CDK13: variants seen among roughly 807,000 people sequenced by gnomAD.
CDK13 encodes cyclin-dependent kinase 13.
Under a neutral mutation model 137.6 loss-of-function variants are expected in CDK13, and 40 were observed. That is an observed-to-expected ratio of 0.29 (90% CI 0.23 to 0.38). The LOEUF (loss-of-function observed/expected upper bound fraction) is 0.38, where lower values mean the gene tolerates loss of function less well. Ranked by LOEUF, CDK13 falls within the 10% of genes least tolerant of loss-of-function variation. The probability of loss-of-function intolerance (pLI) is 1.00; values close to 1 mark genes in which losing one functional copy is unlikely to be tolerated. For synonymous variants in CDK13, 869 were observed against 760.1 expected (o/e 1.14, Z -2.36); for missense variants, 1,704 against 1,951.8 (o/e 0.87, Z 2.39).
intron 5 of CDK13, among the ~76,000 whole-genome samples, chr7:40,025,339 A>T (rs1407472838): frequency 2.0e-5 from 3 of 152,188 alleles, no homozygotes; most frequent in Non-Finnish European, 4.4e-5. Context: ...TAATCAATAA[A>T]CTTCTGTTGT....
At position 39,951,715 on chromosome 7, in the gene CDK13, C is replaced by G. The variant is rs967451735; in HGVS notation, c.1074C>G (p.Ser358=). The G allele has an allele frequency of 5.4e-6, 8 of 1,479,272 alleles. No individual in the cohort carries two copies. In the African/African-American group the frequency reaches 5.8e-5, roughly 11 times the overall value. The allele number at this position is 1,479,272 out of a possible 1,614,324, so 91.6% of individuals were successfully genotyped here. The stretch of plus-strand genomic sequence containing the variant: ...CCTATTCTCGGCGGCTGCCGCGCTC[C>G]CCGAGCCCCTACAGTCGCCGCCGCT... ...SSPYSRRLPR[S]PSPYSRRRSP... Residue 358 remains serine (S), a synonymous_variant, in exon 1 of 14, where the codon TCC becomes TCG. Coordinates refer to ENST00000181839, the MANE Select transcript of CDK13 (RefSeq NM_003718.5).
chr7:39,961,322 G>A (rs562965919), intron 1 of CDK13, among the ~76,000 whole-genome samples: 1 of 152,208 alleles, frequency 6.6e-6, no homozygotes, highest in African/African-American at 2.4e-5. Context: ...ATCTCGCCAC[G>A]ACACTCCAGC....
chr7:39,990,822 C>T (rs1784440230), intron 2 of CDK13, among the ~76,000 whole-genome samples: 1 of 152,068 alleles, frequency 6.6e-6, no homozygotes, highest in Non-Finnish European at 1.5e-5. Flanking sequence ...ATTTTGCAAG[C>T]TGTAAAGTGT....
At chr7:40,018,219 T>A (rs1785042291) in intron 5 of CDK13, among the ~76,000 whole-genome samples, 1 of 152,134 alleles carries the variant, frequency 6.6e-6, no homozygotes, top group Non-Finnish European at 1.5e-5. Flanking sequence ...GTGGGATCAT[T>A]GACAAGCATA....
At chr7:39,955,434 T>G (rs1211493155) in intron 1 of CDK13, among the ~76,000 whole-genome samples, 2 of 152,144 alleles carry the variant, frequency 1.3e-5, no homozygotes, top group Admixed American at 1.3e-4. Context: ...TTGGTTACAA[T>G]ATGAAGAATT....
intron 1 of CDK13, among the ~76,000 whole-genome samples, chr7:39,961,960 A>G (rs1783752052): frequency 6.6e-6 from 1 of 152,242 alleles, no homozygotes. Flanking sequence ...TACAAAGGAC[A>G]TGAACTCATC....
At chr7:39,990,695 A>G (rs1319502520) in intron 2 of CDK13, among the ~76,000 whole-genome samples, 1 of 152,206 alleles carries the variant, frequency 6.6e-6, no homozygotes, top group Non-Finnish European at 1.5e-5. Context: ...TGTACCTCTT[A>G]CTACTCTCAT....
intron 5 of CDK13, among the ~76,000 whole-genome samples, chr7:40,013,574 G>A (rs1399519516): frequency 6.6e-6 from 1 of 152,162 alleles, no homozygotes; most frequent in Non-Finnish European, 1.5e-5. Flanking sequence ...AATATTATCA[G>A]AATATAGATT....
At chr7:40,019,568 C>G (rs1162622597) in intron 5 of CDK13, among the ~76,000 whole-genome samples, 1 of 151,994 alleles carries the variant, frequency 6.6e-6, no homozygotes, top group Non-Finnish European at 1.5e-5. Flanking sequence ...TGGATGAAGC[C>G]CACCCACATT....
intron 7 of CDK13, among the ~76,000 whole-genome samples, chr7:40,052,636 C>G (rs1449127606): frequency 6.6e-6 from 1 of 152,164 alleles, no homozygotes; most frequent in Non-Finnish European, 1.5e-5. Context: ...ACCACCCTCC[C>G]AAAACGCACA....
chr7:40,051,877 G>A (rs1785896723), intron 7 of CDK13, among the ~76,000 whole-genome samples: 1 of 152,166 alleles, frequency 6.6e-6, no homozygotes, highest in Non-Finnish European at 1.5e-5. Context: ...TGAACATTGG[G>A]ATTTATACTT....
intron 7 of CDK13, among the ~76,000 whole-genome samples, chr7:40,052,064 A>G (rs980916747): frequency 1.3e-5 from 2 of 152,212 alleles, no homozygotes; most frequent in Non-Finnish European, 2.9e-5. Flanking sequence ...GGTTTTCAAA[A>G]GGATGGAGTA....
chr7:40,064,771 CTT>C (rs1218084322), intron 9 of CDK13, among the ~76,000 whole-genome samples: 1 of 147,108 alleles, frequency 6.8e-6, no homozygotes, highest in African/African-American at 2.5e-5. Flanking sequence ...ACATAGAAAA[CTT>C]TTATGTTACT....
At position 39,951,602 on chromosome 7, in the gene CDK13, G is replaced by A; in HGVS notation, c.961G>A (p.Gly321Ser). 1.3e-6 allele frequency: 2 copies of A among 1,485,234 alleles called. No homozygotes were observed. The highest frequency in any genetic ancestry group is 1.3e-5 in the South Asian group (1 of 75,424). 92.0% of individuals were successfully genotyped at this position (1,485,234 alleles called of 1,614,324 possible). A position where few individuals can be genotyped will look rare whatever the true frequency, so the allele number is the denominator to read the frequency against. The change falls in exon 1 of 14, where the codon GGC becomes AGC. Residue 321 changes from glycine to serine, a missense_variant. By Grantham distance (56) the Gly-to-Ser change is moderately conservative. Around this residue, in one of 5 missense-constraint regions of CDK13, gnomAD observed 1,051 missense variants for 931.0 expected, o/e 1.13. Coordinates refer to ENST00000181839, the MANE Select transcript of CDK13 (RefSeq NM_003718.5). Reference sequence around the variant, plus strand: ...GCGGCGGTCCCTCAGCCCACTGGGAGGCCGGGACGACAGCCCGGTGTCCCA... The same window carrying A: ...GCGGCGGTCCCTCAGCCCACTGGGAAGCCGGGACGACAGCCCGGTGTCCCA... The part of the protein sequence containing the change: ...RRRRSLSPLG[G>S]RDDSPVSHRA...
intron 2 of CDK13, among the ~76,000 whole-genome samples, chr7:39,988,946 C>T (rs545094508): frequency 2.6e-5 from 4 of 151,610 alleles, no homozygotes; most frequent in South Asian, 2.1e-4. Flanking sequence ...TAGCTGGGCG[C>T]AGTGGCAGGT....
At chr7:40,021,146 C>A (rs946999063) in intron 5 of CDK13, among the ~76,000 whole-genome samples, 1 of 151,112 alleles carries the variant, frequency 6.6e-6, no homozygotes, top group Admixed American at 6.6e-5. Context: ...CACACACACA[C>A]ACACATAAAG....
At chr7:40,086,897 C>G (rs192115785) in intron 11 of CDK13, among the ~76,000 whole-genome samples, 175 of 149,358 alleles carry the variant, frequency 1.2e-3, no homozygotes, top group African/African-American at 4.2e-3. Flanking sequence ...TCTGCAGCCT[C>G]TGCCTCCTGG....
intron 5 of CDK13, among the ~76,000 whole-genome samples, chr7:40,028,645 G>C (rs1003888213): frequency 1.3e-5 from 2 of 152,102 alleles, no homozygotes; most frequent in African/African-American, 4.8e-5. Context: ...GTCTCACTGA[G>C]TCTTATTTGC....
intron 1 of CDK13, among the ~76,000 whole-genome samples, chr7:39,969,140 G>C (rs2116177475): frequency 6.6e-6 from 1 of 152,256 alleles, no homozygotes; most frequent in Admixed American, 6.5e-5. Context: ...CTCCCAAGTA[G>C]TTGGGATTAC....
Sources: allele counts gnomAD v4.1 joint callset (sites outside exome capture counted in the v4.1 genomes callset), GRCh38; gene constraint gnomAD v4.1.1; regional missense constraint gnomAD v4.1.1; transcripts MANE v1.5; gene names NCBI Gene and HGNC (gene_info 2026-07-23, HGNC 2026-07-21).